Variants in CEP350 observed in about 807,000 individuals in gnomAD.
The protein encoded by CEP350 is centrosomal protein 350.
In CEP350, 126 loss-of-function variants were observed where a neutral mutation model predicts 331.8. The ratio of observed to expected loss-of-function variants is 0.38; its 90% confidence interval spans 0.33 to 0.44. The LOEUF is 0.44. Ranked by LOEUF, CEP350 falls within the 20% of genes least tolerant of loss-of-function variation. CEP350 has a pLI of 1.00. For synonymous variants in CEP350, 1,200 were observed against 1,259.5 expected, an observed-to-expected ratio of 0.95 and a Z score of 1.00; for missense variants, 3,406 against 3,634.6, an observed-to-expected ratio of 0.94 and a Z score of 1.62.
intron 1 of CEP350, among the ~76,000 whole-genome samples, chr1:179,985,698 C>T (rs57455336): frequency 0.029 from 4,363 of 152,144 alleles, 206 homozygotes; most frequent in African/African-American, 0.098. Context: ...AAATGCCAGA[C>T]GCTTATAAAA....
intron 27 of CEP350, among the ~76,000 whole-genome samples, chr1:180,073,569 G>A (rs1340230300): frequency 2.0e-5 from 3 of 152,124 alleles, no homozygotes; most frequent in African/African-American, 7.2e-5. Context: ...CAACATATGA[G>A]AAGAAAGGCA....
chr1:180,075,690 C>T (rs901084956), intron 28 of CEP350, among the ~76,000 whole-genome samples: 2 of 152,068 alleles, frequency 1.3e-5, no homozygotes, highest in African/African-American at 4.8e-5. Flanking sequence ...CGCGGTGGCT[C>T]ATGCCTGTAA....
At position 180,053,754 on chromosome 1, in the gene CEP350, T is replaced by A. The variant is rs991291548; in HGVS notation, c.4994T>A (p.Leu1665Gln). The A allele has an allele frequency of 2.6e-6, 4 of 1,562,052 alleles. No homozygotes were observed. Among genetic ancestry groups the A allele is most frequent in the Non-Finnish European group, 3.5e-6 (4 of 1,146,746 alleles). The part of the protein sequence containing the change: ...EKTTLSTAKE[L>Q]NMPFSGGQDS... ...GAAAGAAACCATCTACTTTAGGAAC[T>A]GAACATGCCATTCTCAGGAGGACAA... The change falls in exon 24 of 38, where the codon CTG (leucine) becomes CAG (glutamine). Residue 1665 changes from leucine (L) to glutamine (Q), a missense_variant. Physicochemically the swap from Leu to Gln is moderately radical, Grantham distance 113. Around this residue, in one of 5 missense-constraint regions of CEP350, gnomAD observed 104 missense variants for 143.3 expected, o/e 0.73. Coordinates refer to ENST00000367607, the MANE Select transcript of CEP350 (RefSeq NM_014810.5).
In CEP350 at chr1:180,020,822, A is replaced by G; in HGVS notation, c.3048A>G (p.Glu1016=). ...LKVAEILKEK[E]FCPGERNSYE... ...TAGCAGAAATTTTAAAAGAAAAGGA[A>G]TTTTGTCCTGGAGAAAGAAATAGTT... is the stretch of plus-strand genomic sequence containing the variant. The change falls in exon 12 of 38, where the codon GAA becomes GAG. Residue 1016 remains glutamate (E), a synonymous_variant. Coordinates refer to ENST00000367607, the MANE Select transcript of CEP350 (RefSeq NM_014810.5). 1 of 1,613,140 alleles carries G rather than the reference A, an allele frequency of 6.2e-7. No homozygotes were observed. The highest frequency in any genetic ancestry group is 8.5e-7 in the Non-Finnish European group (1 of 1,179,716).
chr1:180,017,960 A>C (rs1020900376), intron 11 of CEP350, among the ~76,000 whole-genome samples: 1 of 152,166 alleles, frequency 6.6e-6, no homozygotes, highest in African/African-American at 2.4e-5. Flanking sequence ...TTTGTTTGTC[A>C]TCCCTGCTAG....
intron 37 of CEP350, among the ~76,000 whole-genome samples, chr1:180,102,848 C>T (rs1033571729): frequency 2.6e-5 from 4 of 152,150 alleles, no homozygotes; most frequent in Non-Finnish European, 4.4e-5. Flanking sequence ...GAAGATATCT[C>T]ATTATAATTT....
chr1:179,997,562 T>A (rs1053769006), intron 6 of CEP350, among the ~76,000 whole-genome samples: 8 of 146,684 alleles, frequency 5.5e-5, no homozygotes, highest in African/African-American at 1.5e-4. Context: ...AAAAAAAAAA[T>A]TATTTCAACA....
rs746630135 is a variant in CEP350 at position 180,093,090 on chromosome 1, T to C, written c.6985T>C (p.Leu2329=). The C allele has an allele frequency of 6.2e-7, 1 of 1,604,484 alleles. No individual in the cohort carries two copies. The highest frequency in any genetic ancestry group is 8.5e-7 in the Non-Finnish European group (1 of 1,174,786). ...AAATCTCCATAAAAGTGAGGAAATG[T>C]TGAAAGAGAGACAGTCAGATCAAGA... The part of the protein sequence containing the change: ...IENLHKSEEM[L]KERQSDQDMN... The change falls in exon 34 of 38, where the codon TTG becomes CTG. Residue 2329 remains leucine, a synonymous_variant. Coordinates refer to ENST00000367607, the MANE Select transcript of CEP350 (RefSeq NM_014810.5).
chr1:180,015,961 C>T lies in CEP350; in HGVS notation c.2165C>T (p.Pro722Leu). 1 of 1,613,722 alleles carries T rather than the reference C, an allele frequency of 6.2e-7. No homozygotes were observed. Among genetic ancestry groups the T allele is most frequent in the Non-Finnish European group, 8.5e-7 (1 of 1,179,730 alleles). Reference protein sequence around the residue: ...SDMSLSEPPQPLARKDLMEST... With the variant: ...SDMSLSEPPQLLARKDLMEST... ...ATGTCTCTCTCAGAACCTCCACAGCCTCTTGCAAGGTAAAAAGGGAAGAAT... is the reference window on the plus strand; with the variant it reads ...ATGTCTCTCTCAGAACCTCCACAGCTTCTTGCAAGGTAAAAAGGGAAGAAT... The change falls in exon 11 of 38, where the codon CCT (proline) becomes CTT (leucine). Residue 722 changes from proline (P) to leucine (L), a missense_variant. Around this residue, in one of 5 missense-constraint regions of CEP350, gnomAD observed 1,857 missense variants for 1,909.2 expected, o/e 0.97. Transcript: ENST00000367607.
Position 180,006,466 on chromosome 1 carries a change from TA to T in CEP350, c.1148del (p.Lys383ArgfsTer13). ...LALHFADDISIKEKPAEKSKE... is the reference protein window; with the variant it reads ...LALHFADDISXKEKPAEKSKE... ...TTCTGCTTTTCAGATGATATTTCTA[TA>T]AAGGAGAAACCTGCTGAAAAAAGTA... is the stretch of plus-strand genomic sequence containing the variant. On this transcript the variant is annotated frameshift_variant, in exon 8 of 38. Coordinates refer to ENST00000367607, the MANE Select transcript of CEP350 (RefSeq NM_014810.5). LOFTEE classifies it high-confidence loss of function. 6.6e-7 allele frequency: 1 copy of T among 1,503,840 alleles called. No homozygotes were observed. The highest frequency in any genetic ancestry group is 9.1e-7 in the Non-Finnish European group (1 of 1,103,080). The allele number at this position is 1,503,840 out of a possible 1,614,324, so 93.2% of individuals were successfully genotyped here.
intron 20 of CEP350, 26 bp downstream of exon 20, chr1:180,043,218 A>C: frequency 6.3e-7 from 1 of 1,588,500 alleles, no homozygotes. Flanking sequence ...GTCAGCAAAT[A>C]TATAATGACT....
intron 27 of CEP350, among the ~76,000 whole-genome samples, chr1:180,070,805 G>A (rs1485048925): frequency 1.3e-5 from 2 of 152,204 alleles, no homozygotes; most frequent in African/African-American, 2.4e-5. Flanking sequence ...GCTAATTACT[G>A]GAGTTGAATA....
At chr1:180,096,355 A>T (rs556304462) in intron 36 of CEP350, among the ~76,000 whole-genome samples, 171 bp downstream of exon 36, 3 of 151,708 alleles carry the variant, frequency 2.0e-5, no homozygotes, top group Admixed American at 6.6e-5. Context: ...ATCCATGAAC[A>T]GTGGAGGGAT....
At chr1:180,024,988 G>A (rs1228792140) in intron 14 of CEP350, among the ~76,000 whole-genome samples, 1 of 150,800 alleles carries the variant, frequency 6.6e-6, no homozygotes, top group South Asian at 2.1e-4. Flanking sequence ...GCAGTGGCGT[G>A]ATCTTGGCTC....
intron 28 of CEP350, among the ~76,000 whole-genome samples, chr1:180,077,698 A>G (rs1659318862): frequency 6.6e-6 from 1 of 151,238 alleles, no homozygotes; most frequent in Non-Finnish European, 1.5e-5. Context: ...AAAAGCCAAA[A>G]TAAATGGAAC....
intron 4 of CEP350, among the ~76,000 whole-genome samples, chr1:179,991,701 GTGTGTGTATA>G (rs1230774473): frequency 7.5e-6 from 1 of 132,886 alleles, no homozygotes; most frequent in Non-Finnish European, 1.6e-5. Context: ...GTGTGTGTGT[GTGTGTGTATA>G]TATATATATA....
chr1:180,052,412 G>A (rs908947322), intron 22 of CEP350: 2 of 332,384 alleles, frequency 6.0e-6, no homozygotes, highest in Admixed American at 4.3e-5. Context: ...GCTGATTCTA[G>A]GGCTGTAGGG....
intron 16 of CEP350, among the ~76,000 whole-genome samples, chr1:180,035,454 GCTGA>G (rs1392799258): frequency 6.6e-6 from 1 of 152,178 alleles, no homozygotes; most frequent in Non-Finnish European, 1.5e-5. Context: ...CAAAGGATGA[GCTGA>G]CTGTCTATTT....
chr1:180,014,814 G>A (rs550602996), intron 10 of CEP350, among the ~76,000 whole-genome samples: 33 of 152,270 alleles, frequency 2.2e-4, no homozygotes, highest in African/African-American at 7.7e-4. Flanking sequence ...ACGATGTGGG[G>A]GTTGGGGTGC....
Sources: allele counts gnomAD v4.1 joint callset (sites outside exome capture counted in the v4.1 genomes callset), GRCh38; gene constraint gnomAD v4.1.1; regional missense constraint gnomAD v4.1.1; transcripts MANE v1.5; gene names NCBI Gene and HGNC (gene_info 2026-07-23, HGNC 2026-07-21).